Variants in GRIP1 observed in about 807,000 individuals in gnomAD.
The protein encoded by GRIP1 is glutamate receptor interacting protein 1, also known as glutamate receptor-interacting protein 1.
Under a neutral mutation model 129.9 loss-of-function variants are expected in GRIP1, and 45 were observed. That is an observed-to-expected ratio of 0.35 (90% CI 0.27 to 0.44). The LOEUF (loss-of-function observed/expected upper bound fraction) is 0.44, where lower values mean the gene tolerates loss of function less well. Ranked by LOEUF, GRIP1 falls within the 20% of genes least tolerant of loss-of-function variation. GRIP1 has a pLI of 1.00. For synonymous variants in GRIP1, 530 were observed against 520.8 expected (o/e 1.02, Z -0.24); for missense variants, 1,196 against 1,396.8 (o/e 0.86, Z 2.29).
intron 1 of GRIP1, among the ~76,000 whole-genome samples, chr12:66,825,893 A>T (rs2039402780): frequency 6.6e-6 from 1 of 152,210 alleles, no homozygotes; most frequent in African/African-American, 2.4e-5. Context: ...TGTGGAAGAC[A>T]GTGTGGTGAT....
chr12:66,922,913 T>A (rs79957578), intron 1 of GRIP1, among the ~76,000 whole-genome samples: 32 of 152,314 alleles, frequency 2.1e-4, no homozygotes, highest in Non-Finnish European at 2.2e-4. Context: ...ATGTGCTGAA[T>A]GCACTATACA....
intron 7 of GRIP1, among the ~76,000 whole-genome samples, chr12:66,490,477 C>G (rs564579032): frequency 6.6e-6 from 1 of 152,210 alleles, no homozygotes; most frequent in Admixed American, 6.5e-5. Flanking sequence ...CAAAAATTAA[C>G]TTAAGATGGG....
At chr12:66,553,480 A>T (rs1224829836) in intron 2 of GRIP1, among the ~76,000 whole-genome samples, 1 of 152,046 alleles carries the variant, frequency 6.6e-6, no homozygotes, top group Non-Finnish European at 1.5e-5. Flanking sequence ...CTATTAAAAA[A>T]TACAGACCTT....
rs529845371 is a variant in GRIP1 at position 66,770,833 on chromosome 12, T to C, written c.-420+33220A>G. 3.3e-5 allele frequency among the ~76,000 whole-genome samples: 5 copies of C among 152,276 alleles called. No individual in the cohort carries two copies. The South Asian group carries it at 1.0e-3, about 32-fold the overall frequency. ...GCAGTTGGCGGGGTGCAGTGGCTCATGCCTATAATCCCAGCACTTTGGGAG... is the reference window on the plus strand; with the variant it reads ...GCAGTTGGCGGGGTGCAGTGGCTCACGCCTATAATCCCAGCACTTTGGGAG... On this transcript the variant is annotated intron_variant, in intron 1 of 4. Coordinates refer to the GRIP1 transcript ENST00000538373.
rs2058727054 is a variant in GRIP1, at chr12:66,449,791, C to T, written c.1355-4283G>A. On this transcript the variant is annotated intron_variant, in intron 11 of 24. Coordinates refer to ENST00000359742, the MANE Select transcript of GRIP1 (RefSeq NM_001366722.1). ...CACAGAAGATGAGAGTATCATGTTA[C>T]AGCATCACCTATTTGGCAGGTAACT... Among the ~76,000 whole-genome samples the T allele has an allele frequency of 2.0e-5, 3 of 152,206 alleles. 1 individual carries two copies. In the South Asian group the frequency reaches 6.2e-4, roughly 32 times the overall value.
rs577250695 is a variant in GRIP1 at position 66,960,739 on chromosome 12, C to T, written c.58+108311G>A. On this transcript the variant is annotated intron_variant, in intron 1 of 1. Coordinates refer to the GRIP1 transcript ENST00000643019. Reference sequence around the variant, plus strand: ...TTGGGGGCATCTAGTGAAGAAAGGCCAGGGAAGCTGCTAAACATCCTATAT... The same window carrying T: ...TTGGGGGCATCTAGTGAAGAAAGGCTAGGGAAGCTGCTAAACATCCTATAT... Among the ~76,000 whole-genome samples, 13 of 152,178 alleles carry T rather than the reference C, an allele frequency of 8.5e-5. No homozygotes were observed. In the East Asian group the frequency reaches 2.5e-3, roughly 29 times the overall value.
rs551016900 is a variant in GRIP1, at chr12:66,389,989, A to T, written c.2464+2319T>A. 4.2e-4 allele frequency among the ~76,000 whole-genome samples: 64 copies of T among 152,308 alleles called. 1 individual carries two copies. The highest frequency in any genetic ancestry group is 3.4e-3 in the Middle Eastern group (1 of 294). Reference sequence around the variant, plus strand: ...GAGTATCTAAGGGGCTGTCAGGAGAAGAGGCTTTAGTCTAGTGCAGAATGA... The same window carrying T: ...GAGTATCTAAGGGGCTGTCAGGAGATGAGGCTTTAGTCTAGTGCAGAATGA... On this transcript the variant is annotated intron_variant, in intron 19 of 24. Transcript: ENST00000359742.
chr12:67,016,400 A>T lies in GRIP1; in HGVS notation c.58+52650T>A, dbSNP rs543968637. On this transcript the variant is annotated intron_variant, in intron 1 of 1. Transcript: ENST00000643019. The stretch of plus-strand genomic sequence containing the variant: ...ACCTTTATTTATAAGAATAAATAAG[A>T]CCCTTTATTCTTATTTTAGAAGGAT... Among the ~76,000 whole-genome samples the T allele has an allele frequency of 2.0e-5, 3 of 152,250 alleles. No individual in the cohort carries two copies. The East Asian group carries it at 5.8e-4, about 29-fold the overall frequency.
intron 1 of GRIP1, among the ~76,000 whole-genome samples, chr12:67,025,802 T>C (rs998094925): frequency 3.9e-5 from 6 of 152,198 alleles, no homozygotes; most frequent in African/African-American, 1.4e-4. Context: ...ATAATATATT[T>C]AAAACAAATA....
chr12:66,570,322 G>T (rs150579172), intron 2 of GRIP1, among the ~76,000 whole-genome samples: 1 of 152,186 alleles, frequency 6.6e-6, no homozygotes, highest in East Asian at 1.9e-4. Context: ...CTTGTTATTT[G>T]CTCAGGCCAG....
At chr12:66,636,746 TGTGTG>T (rs2031427943) in intron 1 of GRIP1, among the ~76,000 whole-genome samples, 1 of 144,996 alleles carries the variant, frequency 6.9e-6, no homozygotes, top group Non-Finnish European at 1.6e-5. Context: ...TGTGTGTGTG[TGTGTG>T]TGTCTCACTC....
At chr12:66,861,240 C>T (rs752830640) in intron 1 of GRIP1, among the ~76,000 whole-genome samples, 1 of 152,094 alleles carries the variant, frequency 6.6e-6, no homozygotes, top group Admixed American at 6.6e-5. Context: ...TCATACCCTA[C>T]GCTGTAATGT....
chr12:66,583,741 TAA>T (rs1226526784), intron 2 of GRIP1, among the ~76,000 whole-genome samples: 2 of 137,750 alleles, frequency 1.5e-5, no homozygotes, highest in Non-Finnish European at 3.2e-5. Context: ...TGGCAATCAT[TAA>T]AAAGTCAGGA....
chr12:66,778,879 A>G (rs567663550), intron 1 of GRIP1, among the ~76,000 whole-genome samples: 1 of 152,340 alleles, frequency 6.6e-6, no homozygotes, highest in Admixed American at 6.5e-5. Flanking sequence ...AACACTGTCC[A>G]GATGTGACAG....
At chr12:66,936,913 C>T (rs2041495340) in intron 1 of GRIP1, among the ~76,000 whole-genome samples, 1 of 152,170 alleles carries the variant, frequency 6.6e-6, no homozygotes, top group South Asian at 2.1e-4. Context: ...GTTGGGAAAG[C>T]CACAAAACTG....
At chr12:66,706,786 T>C (rs1425586736) in intron 1 of GRIP1, among the ~76,000 whole-genome samples, 2 of 151,970 alleles carry the variant, frequency 1.3e-5, no homozygotes, top group Non-Finnish European at 2.9e-5. Flanking sequence ...AAACACCACA[T>C]GCTCTCACTC....
chr12:66,772,457 C>T (rs1472331706), intron 1 of GRIP1, among the ~76,000 whole-genome samples: 1 of 152,152 alleles, frequency 6.6e-6, no homozygotes, highest in African/African-American at 2.4e-5. Context: ...TGGTGGAGTC[C>T]CTGATTGAGA....
chr12:66,572,742 C>A (rs1303737724), intron 2 of GRIP1, among the ~76,000 whole-genome samples: 3 of 152,150 alleles, frequency 2.0e-5, no homozygotes, highest in Non-Finnish European at 4.4e-5. Context: ...TGAATACCCC[C>A]AGTGTGAGAA....
intron 1 of GRIP1, among the ~76,000 whole-genome samples, chr12:66,931,400 GAA>G: frequency 6.6e-6 from 1 of 152,286 alleles, no homozygotes; most frequent in Admixed American, 6.5e-5. Flanking sequence ...GAATAACAAA[GAA>G]TATCACTCTG....
Sources: gnomAD v4.1 joint callset for allele counts (sites outside exome capture counted in the v4.1 genomes callset) on GRCh38, gnomAD v4.1.1 for gene constraint, MANE v1.5 for transcripts, NCBI Gene and HGNC (gene_info 2026-07-23, HGNC 2026-07-21) for gene names.